CAMTA1: variants seen among roughly 807,000 people sequenced by gnomAD.
CAMTA1 encodes calmodulin-binding transcription activator 1.
In CAMTA1, 27 loss-of-function variants were observed where a neutral mutation model predicts 170.9. The ratio of observed to expected loss-of-function variants is 0.16; its 90% CI spans 0.12 to 0.22. The LOEUF (loss-of-function observed/expected upper bound fraction) is 0.22. Ranked by LOEUF, CAMTA1 falls within the 10% of genes least tolerant of loss-of-function variation. The probability of loss-of-function intolerance (pLI) is 1.00; values close to 1 mark genes in which losing one functional copy is unlikely to be tolerated. For synonymous variants in CAMTA1, 833 were observed against 891.5 expected (o/e 0.93, Z 1.17); for missense variants, 1,619 against 2,217.2 (o/e 0.73, Z 5.42).
At chr1:7,210,048 C>A (rs2149063874) in intron 4 of CAMTA1, among the ~76,000 whole-genome samples, 1 of 152,318 alleles carries the variant, frequency 6.6e-6, no homozygotes, top group East Asian at 1.9e-4. Flanking sequence ...ACTAGGACAT[C>A]CTCTTGCATA....
In CAMTA1 at chr1:7,370,914, C is replaced by CTTTTTTTTTTTTTTTTTTTTT. The variant is rs61387662; in HGVS notation, c.439-96901_439-96900insTTTTTTTTTTTTTTTTTTTTT. 5.7e-4 allele frequency among the ~76,000 whole-genome samples: 63 copies of CTTTTTTTTTTTTTTTTTTTTT among 110,008 alleles called. 1 individual carries two copies. Among genetic ancestry groups the CTTTTTTTTTTTTTTTTTTTTT allele is most frequent in the Non-Finnish European group, 7.7e-4 (45 of 58,432 alleles). The allele number at this position is 110,008 out of a possible 152,430, so 72.2% of individuals were successfully genotyped here. On this transcript the variant is annotated intron_variant, in intron 5 of 22. Transcript: ENST00000303635. ...TATGGCACTTTCTTTTTCTTTCTTT[C>CTTTTTTTTTTTTTTTTTTTTT]TTTTTTTTTTTTTTTGAGACGGAGT...
At chr1:7,080,936 G>T (rs1053759629) in intron 3 of CAMTA1, among the ~76,000 whole-genome samples, 1 of 152,316 alleles carries the variant, frequency 6.6e-6, no homozygotes, top group African/African-American at 2.4e-5. Flanking sequence ...CTATCTCTAG[G>T]CTGAGGAAAA....
intron 5 of CAMTA1, among the ~76,000 whole-genome samples, chr1:7,345,315 A>G (rs966135048): frequency 6.6e-6 from 1 of 152,220 alleles, no homozygotes; most frequent in Non-Finnish European, 1.5e-5. Context: ...TCAGGAGGAT[A>G]TTCAGCATTA....
At chr1:7,684,196 C>T (rs1387069309) in intron 11 of CAMTA1, among the ~76,000 whole-genome samples, 3 of 152,212 alleles carry the variant, frequency 2.0e-5, no homozygotes, top group Non-Finnish European at 2.9e-5. Context: ...CTGTCCTGGC[C>T]GTTGGGGCAG....
chr1:7,709,178 C>A (rs2096550519), intron 11 of CAMTA1, among the ~76,000 whole-genome samples: 2 of 152,042 alleles, frequency 1.3e-5, no homozygotes, highest in South Asian at 4.1e-4. Flanking sequence ...TTTTTTCTCC[C>A]CTCCCAGATT....
chr1:7,277,469 G>GTGTGTGTGTGTA (rs1553119352), intron 5 of CAMTA1, among the ~76,000 whole-genome samples: 2 of 150,844 alleles, frequency 1.3e-5, no homozygotes, highest in African/African-American at 4.9e-5. Context: ...GTGTGTGTGT[G>GTGTGTGTGTGTA]TGTGTGTGTG....
chr1:7,066,027 T>C (rs914942605), intron 3 of CAMTA1, among the ~76,000 whole-genome samples: 8 of 152,106 alleles, frequency 5.3e-5, no homozygotes, highest in Non-Finnish European at 1.0e-4. Flanking sequence ...CAGAACTGAC[T>C]GGCAACTGGG....
At chr1:7,484,298 G>A (rs1010657504) in intron 6 of CAMTA1, among the ~76,000 whole-genome samples, 1 of 152,198 alleles carries the variant, frequency 6.6e-6, no homozygotes, top group Non-Finnish European at 1.5e-5. Flanking sequence ...CTCCCCAGGA[G>A]GCCTGGAAAG....
intron 3 of CAMTA1, among the ~76,000 whole-genome samples, chr1:7,048,512 G>A (rs1047576033): frequency 3.3e-5 from 5 of 152,178 alleles, no homozygotes; most frequent in African/African-American, 4.8e-5. Flanking sequence ...GTGTGGCTAC[G>A]CCAGCTGGGC....
At chr1:6,791,902 A>T (rs1641199681) in intron 1 of CAMTA1, among the ~76,000 whole-genome samples, 1 of 151,992 alleles carries the variant, frequency 6.6e-6, no homozygotes, top group Non-Finnish European at 1.5e-5. Context: ...CATTAGAGAG[A>T]GGGACTTACA....
intron 4 of CAMTA1, among the ~76,000 whole-genome samples, chr1:7,226,256 C>G (rs1661676097): frequency 6.6e-6 from 1 of 152,124 alleles, no homozygotes; most frequent in Non-Finnish European, 1.5e-5. Context: ...GCCCCGCCAC[C>G]TCACCCTCAT....
chr1:6,841,683 A>T (rs1655775501), intron 3 of CAMTA1, among the ~76,000 whole-genome samples: 1 of 152,210 alleles, frequency 6.6e-6, no homozygotes, highest in Non-Finnish European at 1.5e-5. Flanking sequence ...ACAGAGGTTC[A>T]GGGACGACTG....
chr1:7,359,382 G>C (rs2085370678), intron 5 of CAMTA1, among the ~76,000 whole-genome samples: 1 of 152,166 alleles, frequency 6.6e-6, no homozygotes, highest in Non-Finnish European at 1.5e-5. Context: ...ACTGTGCTCT[G>C]GTGAGGCTGG....
Position 7,766,564 on chromosome 1 carries a change from A to ACT in CAMTA1, c.*74_*75insTC. The ACT allele has an allele frequency of 7.6e-7, 1 of 1,309,880 alleles. No homozygotes were observed. The highest frequency in any genetic ancestry group is 1.1e-6 in the Non-Finnish European group (1 of 903,648). 81.1% of individuals were successfully genotyped at this position (1,309,880 alleles called of 1,614,324 possible). A position where few individuals can be genotyped will look rare whatever the true frequency, so the allele number is the denominator to read the frequency against. On this transcript the variant is annotated 3_prime_UTR_variant, in exon 23 of 23. Coordinates refer to ENST00000303635, the MANE Select transcript of CAMTA1 (RefSeq NM_015215.4). ...GTTTTCATTTCTGTTTTTAGCAGAG[A>ACT]CATGCAACAACAACACACACGCACA...
In CAMTA1 at chr1:7,674,493, T is replaced by C. The variant is rs188004566; in HGVS notation, c.2780-3106T>C. On this transcript the variant is annotated intron_variant, in intron 10 of 22. Coordinates refer to ENST00000303635, the MANE Select transcript of CAMTA1 (RefSeq NM_015215.4). The surrounding 1 kb of genome is among the most constrained non-coding windows in gnomAD (Gnocchi z 4.1). The stretch of plus-strand genomic sequence containing the variant: ...AGAACACAAAAGATGAAATTCAAAA[T>C]GAAAGCCAGGCACAGTGGCTCATGC... Among the ~76,000 whole-genome samples, 7 of 152,076 alleles carry C rather than the reference T, an allele frequency of 4.6e-5. No individual in the cohort carries two copies. The highest frequency in any genetic ancestry group is 1.0e-4 in the Non-Finnish European group (7 of 67,970).
chr1:7,077,544 C>T (rs1427127486), intron 3 of CAMTA1, among the ~76,000 whole-genome samples: 1 of 151,950 alleles, frequency 6.6e-6, no homozygotes, highest in Non-Finnish European at 1.5e-5. Flanking sequence ...AATGGGATTC[C>T]ATTATGGGTG....
In CAMTA1 at chr1:7,738,117, A is replaced by G. The variant is rs774568958; in HGVS notation, c.3817A>G (p.Arg1273Gly). ...ACTGAGTCTGGAAGAGCCAAATATC[A>G]GGAAGCAAAGCCCTAGTTCTAAGCA... The part of the protein sequence containing the change: ...TALSLEEPNI[R>G]KQSPSSKQSV... The change falls in exon 16 of 23, where the codon AGG (arginine) becomes GGG (glycine). Residue 1273 changes from arginine to glycine, a missense_variant. Arg to Gly is a moderately radical substitution (Grantham distance 125). Around this residue, in one of 8 missense-constraint regions of CAMTA1, gnomAD observed 370 missense variants for 429.4 expected, o/e 0.86. Coordinates refer to ENST00000303635, the MANE Select transcript of CAMTA1 (RefSeq NM_015215.4). The surrounding 1 kb of genome is among the most constrained non-coding windows in gnomAD (Gnocchi z 4.9). The G allele has an allele frequency of 3.1e-6, 5 of 1,614,072 alleles. No homozygotes were observed. In the African/African-American group the frequency reaches 5.3e-5, roughly 17 times the overall value.
At chr1:6,927,077 T>G (rs1349317887) in intron 3 of CAMTA1, among the ~76,000 whole-genome samples, 1 of 151,488 alleles carries the variant, frequency 6.6e-6, no homozygotes, top group East Asian at 1.9e-4. Context: ...ATTTTTAGAG[T>G]GCAGTGGCAC....
Position 7,669,005 on chromosome 1 carries a change from A to G in CAMTA1, c.2653-1906A>G, listed in dbSNP as rs1307193748. The stretch of plus-strand genomic sequence containing the variant: ...CTCAGCCAGGCACCCACTCCCCCCA[A>G]TGCCCCGCCACTTCCACGGAGCTGC... On this transcript the variant is annotated intron_variant, in intron 9 of 22. Transcript: ENST00000303635. Among the ~76,000 whole-genome samples, 12 of 152,120 alleles carry G rather than the reference A, an allele frequency of 7.9e-5. 1 individual carries two copies. In the South Asian group the frequency reaches 1.5e-3, roughly 18 times the overall value.
Sources: allele counts gnomAD v4.1 joint callset (sites outside exome capture counted in the v4.1 genomes callset), GRCh38; gene constraint gnomAD v4.1.1; regional missense constraint gnomAD v4.1.1; non-coding constraint Gnocchi (gnomAD v3.1); transcripts MANE v1.5; gene names NCBI Gene and HGNC (gene_info 2026-07-23, HGNC 2026-07-21).